Variants in HIBADH observed in about 807,000 individuals in gnomAD.
HIBADH encodes the protein 3-hydroxyisobutyrate dehydrogenase.
A neutral mutation model predicts 36.1 loss-of-function variants in HIBADH; 25 were observed. The ratio of observed to expected loss-of-function variants is 0.69; its 90% confidence interval spans 0.50 to 0.97. HIBADH has a LOEUF of 0.97. HIBADH is among the 50% of genes least tolerant of loss of function. HIBADH has a pLI of 0.00. For missense variants in HIBADH, 421 were observed against 418.0 expected, an observed-to-expected ratio of 1.01 and a Z score of -0.06; for synonymous variants, 160 against 149.5, an observed-to-expected ratio of 1.07 and a Z score of -0.51.
chr7:27,563,135 C>T (rs190546668), intron 4 of HIBADH, among the ~76,000 whole-genome samples: 89 of 152,286 alleles, frequency 5.8e-4, no homozygotes, highest in Non-Finnish European at 1.0e-3. Context: ...TTTTGCCTTT[C>T]CAGGATGTTA....
At chr7:27,629,014 C>CT (rs972691398) in intron 4 of HIBADH, among the ~76,000 whole-genome samples, 2 of 151,784 alleles carry the variant, frequency 1.3e-5, no homozygotes, top group African/African-American at 4.8e-5. Context: ...AATTGTTTTT[C>CT]TTTTTTTCCC....
Position 27,576,955 on chromosome 7 carries a change from C to G in HIBADH, c.485-33855G>C, listed in dbSNP as rs998677203. Among the ~76,000 whole-genome samples, 5 of 152,092 alleles carry G rather than the reference C, an allele frequency of 3.3e-5. No homozygotes were observed. The South Asian group carries it at 1.0e-3, about 32-fold the overall frequency. Reference sequence around the variant, plus strand: ...ACACACGGGACACACTGAAAACATACTTGATTTTAAAATTCAAAGACACCA... The same window carrying G: ...ACACACGGGACACACTGAAAACATAGTTGATTTTAAAATTCAAAGACACCA... On this transcript the variant is annotated intron_variant, in intron 4 of 7. Transcript: ENST00000265395.
At chr7:27,655,113 TATC>T (rs1786273999) in intron 1 of HIBADH, among the ~76,000 whole-genome samples, 2 of 152,284 alleles carry the variant, frequency 1.3e-5, no homozygotes, top group African/African-American at 4.8e-5. Flanking sequence ...AAAAAGTCAG[TATC>T]ATATATATAG....
intron 2 of HIBADH, among the ~76,000 whole-genome samples, chr7:27,637,877 CAG>C (rs2128295414): frequency 6.6e-6 from 1 of 152,198 alleles, no homozygotes; most frequent in East Asian, 1.9e-4. Flanking sequence ...TACAGCTAAC[CAG>C]AGAGGTGAAA....
At position 27,526,301 on chromosome 7, in the gene HIBADH, CT is replaced by C. The variant is rs1386398901; in HGVS notation, c.923del (p.Gln308ArgfsTer5). 6.2e-7 allele frequency: 1 copy of C among 1,613,758 alleles called. No homozygotes were observed. The highest frequency in any genetic ancestry group is 2.2e-5 in the East Asian group (1 of 44,848). On this transcript the variant is annotated frameshift_variant, in exon 8 of 8. Coordinates refer to ENST00000265395, the MANE Select transcript of HIBADH (RefSeq NM_152740.4). LOFTEE classifies it high-confidence loss of function. ...CCTTTGCACACATCATCCTGTAGATCTGATGGGCCAGACTGCCAAGAAGGAT... is the reference window on the plus strand; with the variant it reads ...CCTTTGCACACATCATCCTGTAGATCGATGGGCCAGACTGCCAAGAAGGAT... ...SPILLGSLAH[Q>X]IYRMMCAKGY...
chr7:27,593,268 A>T (rs1162249865), intron 4 of HIBADH, among the ~76,000 whole-genome samples: 1 of 152,198 alleles, frequency 6.6e-6, no homozygotes, highest in African/African-American at 2.4e-5. Flanking sequence ...CAAACTAGGG[A>T]TGCTCATCCG....
intron 1 of HIBADH, among the ~76,000 whole-genome samples, chr7:27,652,705 G>A (rs1312998857): frequency 6.6e-6 from 1 of 152,180 alleles, no homozygotes; most frequent in Non-Finnish European, 1.5e-5. Flanking sequence ...TCCTCACATG[G>A]TAGAGAGCAG....
At position 27,623,089 on chromosome 7, in the gene HIBADH, G is replaced by A. The variant is rs113224622; in HGVS notation, c.484+6282C>T. On this transcript the variant is annotated intron_variant, in intron 4 of 7. Transcript: ENST00000265395. ...ACGATCAAGTGAGATTTACACCAGGGATATAAGGATGGTTCTATGCAAATC... is the reference window on the plus strand; with the variant it reads ...ACGATCAAGTGAGATTTACACCAGGAATATAAGGATGGTTCTATGCAAATC... Among the ~76,000 whole-genome samples the A allele has an allele frequency of 1.2e-4, 18 of 152,288 alleles. 1 individual carries two copies. The highest frequency in any genetic ancestry group is 4.3e-4 in the African/African-American group (18 of 41,562).
intron 4 of HIBADH, among the ~76,000 whole-genome samples, chr7:27,568,057 A>G (rs924489067): frequency 1.3e-5 from 2 of 152,208 alleles, no homozygotes; most frequent in African/African-American, 2.4e-5. Context: ...ATTTTTAATC[A>G]CAACCATCAC....
At chr7:27,533,566 T>C (rs1784031581) in intron 6 of HIBADH, among the ~76,000 whole-genome samples, 3 of 152,176 alleles carry the variant, frequency 2.0e-5, no homozygotes, top group Non-Finnish European at 4.4e-5. Flanking sequence ...CTCTGGCACA[T>C]ACATAACTGA....
At chr7:27,651,542 G>A (rs17155566) in intron 1 of HIBADH, among the ~76,000 whole-genome samples, 5,092 of 152,254 alleles carry the variant, frequency 0.033, 257 homozygotes, top group African/African-American at 0.12. Context: ...GAAAGAAAAT[G>A]TGGCATTACT....
Position 27,525,904 on chromosome 7 carries a change from A to C in HIBADH, c.*310T>G, listed in dbSNP as rs1783889072. 1 of 170,088 alleles carries C rather than the reference A, an allele frequency of 5.9e-6. No individual in the cohort carries two copies. Among genetic ancestry groups the C allele is most frequent in the Non-Finnish European group, 1.2e-5 (1 of 80,204 alleles). The allele number at this position is 170,088 out of a possible 1,614,324, so 10.5% of individuals were successfully genotyped here. On this transcript the variant is annotated 3_prime_UTR_variant, in exon 8 of 8. Transcript: ENST00000265395. ...AAGATTTGGTTTTATTTGTAAAGTAAAGCAGATAATATCCTGATTGAAGTA... is the reference window on the plus strand; with the variant it reads ...AAGATTTGGTTTTATTTGTAAAGTACAGCAGATAATATCCTGATTGAAGTA...
intron 4 of HIBADH, among the ~76,000 whole-genome samples, chr7:27,580,538 T>A (rs1312275423): frequency 6.6e-6 from 1 of 152,208 alleles, no homozygotes; most frequent in Non-Finnish European, 1.5e-5. Context: ...ACAGTTTAGC[T>A]CCAATTTGAT....
At chr7:27,552,161 C>CAGTTT (rs1294048056) in intron 4 of HIBADH, among the ~76,000 whole-genome samples, 30 of 152,276 alleles carry the variant, frequency 2.0e-4, no homozygotes, top group African/African-American at 7.2e-4. Flanking sequence ...CGTGCACAAT[C>CAGTTT]AGTTTAGAGC....
At chr7:27,661,603 A>G (rs1344684909) in intron 1 of HIBADH, among the ~76,000 whole-genome samples, 2 of 151,490 alleles carry the variant, frequency 1.3e-5, no homozygotes, top group African/African-American at 4.8e-5. Flanking sequence ...AAAAAAAAAA[A>G]AAAAAAGGGC....
chr7:27,655,838 GGATAAGTTTTTTCTTT>G (rs1210651378), intron 1 of HIBADH, among the ~76,000 whole-genome samples: 1 of 151,938 alleles, frequency 6.6e-6, no homozygotes, highest in African/African-American at 2.4e-5. Flanking sequence ...TTCACCTGTT[GGATAAGTTTTTTCTTT>G]GATAAAAACT....
intron 4 of HIBADH, among the ~76,000 whole-genome samples, chr7:27,575,716 A>G (rs1179410034): frequency 6.6e-6 from 1 of 152,134 alleles, no homozygotes; most frequent in Non-Finnish European, 1.5e-5. Context: ...AAAAAAGGAA[A>G]CACATGTGCA....
intron 4 of HIBADH, among the ~76,000 whole-genome samples, chr7:27,582,111 T>C (rs887408385): frequency 6.6e-6 from 1 of 152,186 alleles, no homozygotes; most frequent in African/African-American, 2.4e-5. Context: ...ACTTGTCTAT[T>C]CAACTTAGTA....
At chr7:27,613,955 C>T (rs1785380981) in intron 4 of HIBADH, among the ~76,000 whole-genome samples, 1 of 151,992 alleles carries the variant, frequency 6.6e-6, no homozygotes, top group East Asian at 1.9e-4. Context: ...TCACTGCTCC[C>T]GGCCTAAATC....
Sources: gnomAD v4.1 joint callset for allele counts (sites outside exome capture counted in the v4.1 genomes callset) on GRCh38, gnomAD v4.1.1 for gene constraint, MANE v1.5 for transcripts, NCBI Gene and HGNC (gene_info 2026-07-23, HGNC 2026-07-21) for gene names.